The following SPINT3 variants were observed in gnomAD, a reference collection of about 807,000 sequenced individuals.
The protein encoded by SPINT3 is kunitz-type protease inhibitor 3.
Under a neutral mutation model 3.3 loss-of-function variants are expected in SPINT3, and 4 were observed. That is an observed-to-expected ratio of 1.22 (90% CI 0.60 to 2.79). The LOEUF is 2.79. SPINT3 is among the 30% of genes most tolerant of loss of function. SPINT3 has a pLI of 0.01. For synonymous variants in SPINT3, 30 were observed against 38.6 expected (o/e 0.78, Z 0.83); for missense variants, 97 against 104.3 (o/e 0.93, Z 0.31).
At chr20:45,513,721 T>C (rs1484223997) in intron 1 of SPINT3, among the ~76,000 whole-genome samples, 1 of 152,248 alleles carries the variant, frequency 6.6e-6, no homozygotes, top group African/African-American at 2.4e-5. Flanking sequence ...CCTCCTTTTA[T>C]GTTTCTGTCA....
intron 1 of SPINT3, among the ~76,000 whole-genome samples, chr20:45,513,327 T>C (rs542063432): frequency 1.3e-5 from 2 of 152,302 alleles, no homozygotes; most frequent in South Asian, 4.1e-4. Flanking sequence ...AGAGCAAGAT[T>C]GAATCTGAGA....
Position 45,512,622 on chromosome 20 carries a change from C to A in SPINT3, c.*29G>T, listed in dbSNP as rs1978763766. On this transcript the variant is annotated 3_prime_UTR_variant, in exon 2 of 2. Transcript: ENST00000217428. ...TATGGCCCTCAGAGCAATCCCGAATCCATGGAGGGCTGTGTTCTTGTTAGA... is the reference window on the plus strand; with the variant it reads ...TATGGCCCTCAGAGCAATCCCGAATACATGGAGGGCTGTGTTCTTGTTAGA... 1 of 1,547,864 alleles carries A rather than the reference C, an allele frequency of 6.5e-7. No individual in the cohort carries two copies. Among genetic ancestry groups the A allele is most frequent in the Non-Finnish European group, 8.7e-7 (1 of 1,144,592 alleles).
intron 1 of SPINT3, among the ~76,000 whole-genome samples, chr20:45,513,640 T>C (rs1978796804): frequency 6.6e-6 from 1 of 152,198 alleles, no homozygotes; most frequent in Non-Finnish European, 1.5e-5. Flanking sequence ...TTAGCAAATA[T>C]TTGTTAATAG....
chr20:45,513,764 A>G (rs1183335407), intron 1 of SPINT3, among the ~76,000 whole-genome samples: 1 of 152,224 alleles, frequency 6.6e-6, no homozygotes, highest in Non-Finnish European at 1.5e-5. Context: ...CATGGTAGCT[A>G]GTAGAATTTC....
At position 45,515,557 on chromosome 20, in the gene SPINT3, C is replaced by G. The variant is rs1200802644; in HGVS notation, c.52G>C (p.Glu18Gln). The change falls in exon 1 of 2, where the codon GAG becomes CAG. Residue 18 changes from glutamate (E) to glutamine (Q), a missense_variant. Coordinates refer to ENST00000217428, the MANE Select transcript of SPINT3 (RefSeq NM_006652.2). ...SFLLILTLCL[E>Q]LRSELARDTI... ...CCTCGTGCTAGTTCTGATCGAAGCTCTAGGCAGAGAGTGAGAATCAGGAGA... is the reference window on the plus strand; with the variant it reads ...CCTCGTGCTAGTTCTGATCGAAGCTGTAGGCAGAGAGTGAGAATCAGGAGA... 2.6e-6 allele frequency: 4 copies of G among 1,551,228 alleles called. No individual in the cohort carries two copies. Among genetic ancestry groups the G allele is most frequent in the Admixed American group, 2.0e-5 (1 of 50,958 alleles).
chr20:45,512,787 C>T lies in SPINT3; in HGVS notation c.134G>A (p.Cys45Tyr). The T allele has an allele frequency of 5.2e-6, 8 of 1,551,672 alleles. No homozygotes were observed. Among genetic ancestry groups the T allele is most frequent in the Non-Finnish European group, 7.0e-6 (8 of 1,146,978 alleles). Reference sequence around the variant, plus strand: ...AAACCATCGCGTCATGTAGGTTTGACAAGGGCCCTTTTCCATAGGAAAAGC... The same window carrying T: ...AAACCATCGCGTCATGTAGGTTTGATAAGGGCCCTTTTCCATAGGAAAAGC... ...VCAFPMEKGP[C>Y]QTYMTRWFFN... is the part of the protein sequence containing the mutation. Residue 45 changes from cysteine (C) to tyrosine (Y), a missense_variant, in exon 2 of 2, where the codon TGT becomes TAT. Cys to Tyr is a radical substitution (Grantham distance 194). Coordinates refer to ENST00000217428, the MANE Select transcript of SPINT3 (RefSeq NM_006652.2).
At position 45,512,559 on chromosome 20, in the gene SPINT3, G is replaced by A. The variant is rs1978760073; in HGVS notation, c.*92C>T. Reference sequence around the variant, plus strand: ...GTGGGGGTAGAGGAATGAACCTCTTGTTCACACACACACACACACACACAC... The same window carrying A: ...GTGGGGGTAGAGGAATGAACCTCTTATTCACACACACACACACACACACAC... On this transcript the variant is annotated 3_prime_UTR_variant, in exon 2 of 2. Transcript: ENST00000217428. The A allele has an allele frequency of 2.6e-6, 3 of 1,135,630 alleles. No individual in the cohort carries two copies. Among genetic ancestry groups the A allele is most frequent in the Admixed American group, 5.9e-5 (2 of 34,092 alleles). The allele number at this position is 1,135,630 out of a possible 1,614,324, so 70.3% of individuals were successfully genotyped here.
rs2145526511 is a variant in SPINT3 at position 45,512,462 on chromosome 20, A to G, written c.*189T>C. 4.9e-6 allele frequency: 3 copies of G among 611,138 alleles called. No homozygotes were observed. Among genetic ancestry groups the G allele is most frequent in the East Asian group, 5.6e-5 (2 of 35,700 alleles). The allele number at this position is 611,138 out of a possible 1,614,324, so 37.9% of individuals were successfully genotyped here. A position where few individuals can be genotyped will look rare whatever the true frequency, so the allele number is the denominator to read the frequency against. ...AAAAGGAGGTCTTGAGATTGTAAAC[A>G]TGATTGCAACATTTATAGAATTTCA... On this transcript the variant is annotated 3_prime_UTR_variant, in exon 2 of 2. Transcript: ENST00000217428.
chr20:45,515,427 G>T, intron 1 of SPINT3, 106 bp downstream of exon 1: 3 of 927,924 alleles, frequency 3.2e-6, no homozygotes, highest in Non-Finnish European at 5.0e-6. Context: ...TCTCAATCCG[G>T]TAAGGTAAGA....
intron 1 of SPINT3, 88 bp from the exon 2 acceptor site, chr20:45,512,932 A>G: frequency 9.3e-7 from 1 of 1,077,154 alleles, no homozygotes; most frequent in East Asian, 2.6e-5. Flanking sequence ...AGCCCTGGGC[A>G]CAATTGTGAG....
At chr20:45,513,485 A>T (rs1166845770) in intron 1 of SPINT3, among the ~76,000 whole-genome samples, 2 of 152,226 alleles carry the variant, frequency 1.3e-5, no homozygotes, top group Non-Finnish European at 2.9e-5. Flanking sequence ...ACCAGTGAAA[A>T]GCATTGATAA....
chr20:45,512,526 G>C lies in SPINT3; in HGVS notation c.*125C>G. 1.1e-6 allele frequency: 1 copy of C among 898,584 alleles called. No individual in the cohort carries two copies. The highest frequency in any genetic ancestry group is 1.7e-6 in the Non-Finnish European group (1 of 600,344). The allele number at this position is 898,584 out of a possible 1,614,324, so 55.7% of individuals were successfully genotyped here. A position where few individuals can be genotyped will look rare whatever the true frequency, so the allele number is the denominator to read the frequency against. ...AGCACTTGTAGGAGCACATCAGGGA[G>C]AATAAATGTGGGGGTAGAGGAATGA... is the stretch of plus-strand genomic sequence containing the variant. On this transcript the variant is annotated 3_prime_UTR_variant, in exon 2 of 2. Transcript: ENST00000217428.
At chr20:45,513,194 G>A (rs1978784882) in intron 1 of SPINT3, among the ~76,000 whole-genome samples, 2 of 152,182 alleles carry the variant, frequency 1.3e-5, no homozygotes, top group South Asian at 4.1e-4. Flanking sequence ...TCATCTCTGA[G>A]TTCCCTTCCA....
rs367695635 is a variant in SPINT3, at chr20:45,512,759, G to C, written c.162C>G (p.Phe54Leu). 5.3e-5 allele frequency: 82 copies of C among 1,551,592 alleles called. No individual in the cohort carries two copies. Among genetic ancestry groups the C allele is most frequent in the Non-Finnish European group, 6.5e-5 (75 of 1,146,998 alleles). ...ACTCACATTCACCAGTTTCAAAGTT[G>C]AAAAACCATCGCGTCATGTAGGTTT... is the stretch of plus-strand genomic sequence containing the variant. ...PCQTYMTRWF[F>L]NFETGECELF... is the part of the protein sequence containing the mutation. The change falls in exon 2 of 2, where the codon TTC becomes TTG. Residue 54 changes from phenylalanine (F) to leucine (L), a missense_variant. Phe to Leu is a conservative substitution (Grantham distance 22). Transcript: ENST00000217428.
In SPINT3 at chr20:45,512,529, T is replaced by A. The variant is rs1600861044; in HGVS notation, c.*122A>T. 1.1e-6 allele frequency: 1 copy of A among 936,542 alleles called. No individual in the cohort carries two copies. The highest frequency in any genetic ancestry group is 2.7e-5 in the East Asian group (1 of 37,688). 58.0% of individuals were successfully genotyped at this position (936,542 alleles called of 1,614,324 possible). A position where few individuals can be genotyped will look rare whatever the true frequency, so the allele number is the denominator to read the frequency against. On this transcript the variant is annotated 3_prime_UTR_variant, in exon 2 of 2. Transcript: ENST00000217428. ...ACTTGTAGGAGCACATCAGGGAGAATAAATGTGGGGGTAGAGGAATGAACC... is the reference window on the plus strand; with the variant it reads ...ACTTGTAGGAGCACATCAGGGAGAAAAAATGTGGGGGTAGAGGAATGAACC...
intron 1 of SPINT3, among the ~76,000 whole-genome samples, chr20:45,514,914 G>C (rs1024997670): frequency 1.3e-5 from 2 of 152,118 alleles, no homozygotes; most frequent in South Asian, 4.1e-4. Context: ...TTACCCTTTT[G>C]TGTATTCTAA....
At chr20:45,514,198 G>C (rs1228750136) in intron 1 of SPINT3, among the ~76,000 whole-genome samples, 1 of 152,128 alleles carries the variant, frequency 6.6e-6, no homozygotes, top group African/African-American at 2.4e-5. Flanking sequence ...TCTCAGTCTT[G>C]CTTCTCTGCT....
rs547848615 is a variant in SPINT3, at chr20:45,514,427, G to T, written c.76+1106C>A. On this transcript the variant is annotated intron_variant, in intron 1 of 1. Coordinates refer to ENST00000217428, the MANE Select transcript of SPINT3 (RefSeq NM_006652.2). ...TGGTTAATCTTTTTTTATAGAAGAA[G>T]AAACTGATGCTCAGAGAGGCTATAA... 4.6e-5 allele frequency among the ~76,000 whole-genome samples: 7 copies of T among 152,306 alleles called. No homozygotes were observed. The East Asian group carries it at 1.3e-3, about 29-fold the overall frequency.
At chr20:45,515,465 T>TCCCCCC in intron 1 of SPINT3, 68 bp downstream of exon 1, 2 of 1,333,642 alleles carry the variant, frequency 1.5e-6, no homozygotes, top group South Asian at 1.3e-5. Context: ...CTGCATCACC[T>TCCCCCC]CCCCCACCAC....
Sources: gnomAD v4.1 joint callset for allele counts (sites outside exome capture counted in the v4.1 genomes callset) on GRCh38, gnomAD v4.1.1 for gene constraint, MANE v1.5 for transcripts, NCBI Gene and HGNC (gene_info 2026-07-23, HGNC 2026-07-21) for gene names.